ADGRB3: variants seen among roughly 807,000 people sequenced by gnomAD.
ADGRB3 encodes adhesion G protein-coupled receptor B3, also known as brain-specific angiogenesis inhibitor 3.
In ADGRB3, 37 loss-of-function variants were observed where a neutral mutation model predicts 193.4. The observed-to-expected ratio is 0.19, with a 90% CI of 0.15 to 0.25. ADGRB3 has a LOEUF of 0.25. Among genes scored for constraint, ADGRB3 ranks in the 10% least tolerant of loss-of-function variants. ADGRB3 has a pLI of 1.00. For missense variants in ADGRB3, 1,637 were observed against 1,852.9 expected (o/e 0.88, Z 2.14); for synonymous variants, 690 against 644.2 (o/e 1.07, Z -1.08).
Position 69,251,205 on chromosome 6 carries a change from C to T in ADGRB3, c.2814+11979C>T, listed in dbSNP as rs143072336. 9.4e-4 allele frequency among the ~76,000 whole-genome samples: 143 copies of T among 152,266 alleles called. 2 individuals are homozygous for T. The highest frequency in any genetic ancestry group is 3.2e-3 in the African/African-American group (134 of 41,558). On this transcript the variant is annotated intron_variant, in intron 20 of 31. Transcript: ENST00000370598. ...CCTCCTAACTTTTTTATATTCCTCC[C>T]TTATTAGTCTTCTTCCAGCCTTGGG...
intron 23 of ADGRB3, chr6:69,332,260 T>C: frequency 1.0e-6 from 1 of 985,326 alleles, no homozygotes; most frequent in Non-Finnish European, 1.2e-6. Flanking sequence ...AAAGACCTTT[T>C]AAGTGAGAAT....
chr6:68,750,325 A>G (rs1306578174), intron 3 of ADGRB3, among the ~76,000 whole-genome samples: 1 of 152,176 alleles, frequency 6.6e-6, no homozygotes, highest in African/African-American at 2.4e-5. Flanking sequence ...ATTACAATCT[A>G]TGTGACTCGG....
At chr6:69,373,598 A>C (rs893983944) in intron 30 of ADGRB3, among the ~76,000 whole-genome samples, 16 of 152,220 alleles carry the variant, frequency 1.1e-4, no homozygotes, top group African/African-American at 2.6e-4. Context: ...TTAGCATAAA[A>C]GTATCAAGAA....
chr6:69,179,029 T>G (rs1775508945), intron 17 of ADGRB3, among the ~76,000 whole-genome samples: 1 of 152,220 alleles, frequency 6.6e-6, no homozygotes, highest in South Asian at 2.1e-4. Flanking sequence ...AATTGTTATG[T>G]CAAGTATGTA....
chr6:69,150,228 A>G (rs1774633896), intron 17 of ADGRB3, among the ~76,000 whole-genome samples: 1 of 152,048 alleles, frequency 6.6e-6, no homozygotes, highest in Admixed American at 6.6e-5. Context: ...GAGTCCAGAG[A>G]TGTCATCAAG....
At chr6:68,805,910 A>AT (rs1408748729) in intron 3 of ADGRB3, among the ~76,000 whole-genome samples, 2 of 152,222 alleles carry the variant, frequency 1.3e-5, no homozygotes, top group Non-Finnish European at 2.9e-5. Context: ...AGATGCATGA[A>AT]TTTTTAACTC....
intron 3 of ADGRB3, among the ~76,000 whole-genome samples, chr6:68,788,679 G>A (rs979466980): frequency 5.9e-5 from 9 of 152,126 alleles, no homozygotes; most frequent in Non-Finnish European, 8.8e-5. Flanking sequence ...TCCGCTTGGC[G>A]CAGAGCTGAG....
chr6:69,147,958 C>T (rs938920009), intron 17 of ADGRB3, among the ~76,000 whole-genome samples: 5 of 152,072 alleles, frequency 3.3e-5, no homozygotes, highest in African/African-American at 1.2e-4. Context: ...TACTCCTTCT[C>T]TTTTTTAGTT....
intron 3 of ADGRB3, among the ~76,000 whole-genome samples, chr6:68,749,169 G>A (rs6928142): frequency 0.74 from 112,774 of 152,098 alleles, 42,245 homozygotes; most frequent in Middle Eastern, 0.91. Flanking sequence ...CATTTTCCCT[G>A]TGGTCCTGGG....
rs1767928138 is a variant in ADGRB3, at chr6:68,951,822, G to A, written c.1196-4202G>A. On this transcript the variant is annotated intron_variant, in intron 6 of 31. Coordinates refer to ENST00000370598, the MANE Select transcript of ADGRB3 (RefSeq NM_001704.3). ...ATACACAAGGAGCAGGCATTGAGTG[G>A]GGAGAGACATTGATTGTCTCTACTA... Among the ~76,000 whole-genome samples the A allele has an allele frequency of 2.0e-5, 3 of 152,040 alleles. No individual in the cohort carries two copies. The South Asian group carries it at 6.2e-4, about 32-fold the overall frequency.
At chr6:68,676,511 A>G (rs987229334) in intron 3 of ADGRB3, among the ~76,000 whole-genome samples, 1 of 152,192 alleles carries the variant, frequency 6.6e-6, no homozygotes, top group Non-Finnish European at 1.5e-5. Flanking sequence ...TCGTTCCAGA[A>G]TGCTAATGCA....
chr6:68,765,061 G>C (rs926118100), intron 3 of ADGRB3, among the ~76,000 whole-genome samples: 1 of 152,106 alleles, frequency 6.6e-6, no homozygotes, highest in Non-Finnish European at 1.5e-5. Flanking sequence ...ATAATTCTCA[G>C]AGTTTGTCTA....
chr6:69,106,164 T>TAA (rs61114782), intron 17 of ADGRB3, among the ~76,000 whole-genome samples: 33 of 91,076 alleles, frequency 3.6e-4, no homozygotes, highest in East Asian at 1.5e-3. Context: ...GAGACTGCGT[T>TAA]AAAAAAAAAA....
At chr6:69,061,976 A>T (rs1208245443) in intron 15 of ADGRB3, among the ~76,000 whole-genome samples, 1 of 151,986 alleles carries the variant, frequency 6.6e-6, no homozygotes, top group Non-Finnish European at 1.5e-5. Context: ...CTACCTCAAA[A>T]AACAAAAAAG....
chr6:68,856,207 T>G (rs1764982397), intron 3 of ADGRB3, among the ~76,000 whole-genome samples: 1 of 152,188 alleles, frequency 6.6e-6, no homozygotes, highest in Non-Finnish European at 1.5e-5. Context: ...CAGGTATGTC[T>G]TTATCAGCAG....
intron 13 of ADGRB3, among the ~76,000 whole-genome samples, chr6:69,021,664 T>A (rs756026041): frequency 2.0e-5 from 3 of 151,930 alleles, no homozygotes; most frequent in Non-Finnish European, 4.4e-5. Flanking sequence ...AATTTATATT[T>A]AAAAGCATGG....
At chr6:68,703,329 A>G (rs1258488249) in intron 3 of ADGRB3, among the ~76,000 whole-genome samples, 1 of 152,328 alleles carries the variant, frequency 6.6e-6, no homozygotes, top group East Asian at 1.9e-4. Flanking sequence ...TAAATACAAC[A>G]TAAACACTCT....
chr6:69,013,955 C>T, intron 11 of ADGRB3, 83 bp from the exon 12 acceptor site: 1 of 838,128 alleles, frequency 1.2e-6, no homozygotes. Context: ...ATACCTTTAC[C>T]ACGTAGTCAA....
intron 15 of ADGRB3, among the ~76,000 whole-genome samples, chr6:69,055,280 C>T (rs1317694570): frequency 3.9e-5 from 6 of 152,196 alleles, no homozygotes; most frequent in Non-Finnish European, 7.3e-5. Flanking sequence ...CATTAAAGCA[C>T]AACTCCCCTT....
Sources: allele counts gnomAD v4.1 joint callset (sites outside exome capture counted in the v4.1 genomes callset), GRCh38; gene constraint gnomAD v4.1.1; transcripts MANE v1.5; gene names NCBI Gene and HGNC (gene_info 2026-07-23, HGNC 2026-07-21).